Variants in SGCD observed in about 807,000 individuals in gnomAD.
SGCD encodes sarcoglycan delta, also known as delta-sarcoglycan.
SGCD carries 18 observed loss-of-function variants against 36.6 expected under a neutral mutation model. The ratio of observed to expected loss-of-function variants is 0.49; its 90% CI spans 0.34 to 0.73. The LOEUF is 0.73. Among genes scored for constraint, SGCD ranks in the 30% least tolerant of loss-of-function variants. The probability of loss-of-function intolerance (pLI) is 0.01; values close to 1 mark genes in which losing one functional copy is unlikely to be tolerated. For synonymous variants in SGCD, 133 were observed against 130.6 expected (o/e 1.02, Z -0.12); for missense variants, 387 against 346.7 (o/e 1.12, Z -0.92).
At chr5:155,843,659 T>C in the SGCD span, among the ~76,000 whole-genome samples, 4 of 152,204 alleles carry the variant, frequency 2.6e-5, no homozygotes, top group Non-Finnish European at 4.4e-5. Context: ...AAGAACAATA[T>C]AGAAGAGGAG....
At chr5:156,078,383 C>G (rs1285345636) in intron 1 of SGCD, among the ~76,000 whole-genome samples, 1 of 151,262 alleles carries the variant, frequency 6.6e-6, no homozygotes, top group Non-Finnish European at 1.5e-5. Flanking sequence ...TGTGGTGAGG[C>G]TCACCTGTAA....
At chr5:156,610,042 A>G (rs144286229) in intron 6 of SGCD, among the ~76,000 whole-genome samples, 7,897 of 152,184 alleles carry the variant, frequency 0.052, 684 homozygotes, top group African/African-American at 0.18. Flanking sequence ...TCTTCTCTCA[A>G]CTTGTCAAAG....
intron 2 of SGCD, among the ~76,000 whole-genome samples, chr5:156,332,161 G>A (rs975881561): frequency 6.6e-6 from 1 of 152,174 alleles, no homozygotes; most frequent in African/African-American, 2.4e-5. Context: ...TCAAAAGTTT[G>A]CGTCCCCACC....
At chr5:155,762,457 T>C in the SGCD span, among the ~76,000 whole-genome samples, 1 of 152,236 alleles carries the variant, frequency 6.6e-6, no homozygotes, top group Admixed American at 6.5e-5. Context: ...TTTCTTGCTT[T>C]ATAGTTTGCA....
At chr5:156,034,354 T>C (rs1014788999) in intron 1 of SGCD, among the ~76,000 whole-genome samples, 1 of 152,228 alleles carries the variant, frequency 6.6e-6, no homozygotes, top group Non-Finnish European at 1.5e-5. Flanking sequence ...ATTTGGACTC[T>C]GAAGTATAAA....
At chr5:156,179,769 A>T (rs1581150781) in intron 3 of SGCD, among the ~76,000 whole-genome samples, 3 of 151,852 alleles carry the variant, frequency 2.0e-5, no homozygotes, top group Non-Finnish European at 4.4e-5. Context: ...AATTACAAGT[A>T]CCTGCCACCA....
chr5:155,832,942 G>A, the SGCD span, among the ~76,000 whole-genome samples: 2 of 151,766 alleles, frequency 1.3e-5, no homozygotes, highest in Non-Finnish European at 1.5e-5. Flanking sequence ...GGCTGGGCAC[G>A]GTGGCTCATG....
chr5:156,495,992 T>C (rs905976241), intron 3 of SGCD, among the ~76,000 whole-genome samples: 1 of 152,142 alleles, frequency 6.6e-6, no homozygotes, highest in African/African-American at 2.4e-5. Context: ...TGGGAGTGAT[T>C]TGCAAGAGTT....
intron 7 of SGCD, among the ~76,000 whole-genome samples, chr5:156,675,714 G>A (rs2113669502): frequency 6.6e-6 from 1 of 152,278 alleles, no homozygotes; most frequent in African/African-American, 2.4e-5. Context: ...ACTGCAAAGA[G>A]TTTTTGAACT....
intron 3 of SGCD, among the ~76,000 whole-genome samples, chr5:156,314,799 A>G (rs1767472262): frequency 6.6e-6 from 1 of 151,990 alleles, no homozygotes; most frequent in South Asian, 2.1e-4. Flanking sequence ...CCTGTCAGCT[A>G]TTTCCTTCAG....
At chr5:156,076,397 A>T (rs773041769) in intron 1 of SGCD, among the ~76,000 whole-genome samples, 1 of 152,076 alleles carries the variant, frequency 6.6e-6, no homozygotes, top group Non-Finnish European at 1.5e-5. Context: ...CCATAATTTT[A>T]TGTAGTGTAT....
intron 1 of SGCD, among the ~76,000 whole-genome samples, chr5:155,989,587 G>T (rs1477815569): frequency 6.6e-6 from 1 of 151,972 alleles, no homozygotes; most frequent in Non-Finnish European, 1.5e-5. Context: ...CTACCAAGTG[G>T]AATTTTAATG....
At chr5:156,579,450 C>A (rs185214538) in intron 4 of SGCD, among the ~76,000 whole-genome samples, 266 of 152,252 alleles carry the variant, frequency 1.7e-3, no homozygotes, top group African/African-American at 6.1e-3. Context: ...GAGCTGAGTT[C>A]AAGTCCTGGA....
At chr5:155,847,553 T>C in the SGCD span, among the ~76,000 whole-genome samples, 2 of 152,306 alleles carry the variant, frequency 1.3e-5, no homozygotes, top group Non-Finnish European at 2.9e-5. Context: ...TAGAGTGTAA[T>C]ATAAATAATG....
chr5:156,739,703 T>C (rs1340117713), intron 7 of SGCD: 2 of 152,122 alleles, frequency 1.3e-5, no homozygotes, highest in African/African-American at 4.8e-5. Context: ...TTCTACCCAA[T>C]AAATATAAAA....
chr5:156,431,472 G>A (rs925145769), intron 3 of SGCD, among the ~76,000 whole-genome samples: 1 of 152,104 alleles, frequency 6.6e-6, no homozygotes, highest in Non-Finnish European at 1.5e-5. Flanking sequence ...CCTTCTCCAA[G>A]TCCCTTCCTA....
At chr5:156,630,249 G>A (rs1209936068) in intron 6 of SGCD, among the ~76,000 whole-genome samples, 1 of 152,202 alleles carries the variant, frequency 6.6e-6, no homozygotes, top group Non-Finnish European at 1.5e-5. Flanking sequence ...AGAGGTATAA[G>A]AGCATGGGTT....
chr5:156,287,741 G>T (rs1229451357), intron 3 of SGCD, among the ~76,000 whole-genome samples: 1 of 151,446 alleles, frequency 6.6e-6, no homozygotes, highest in African/African-American at 2.4e-5. Flanking sequence ...TTGTTTTAAA[G>T]CTTAGAGATA....
chr5:156,751,567 A>AT (rs1366237208), intron 7 of SGCD, among the ~76,000 whole-genome samples: 2 of 152,202 alleles, frequency 1.3e-5, no homozygotes, highest in East Asian at 3.8e-4. Flanking sequence ...ACGGCTGAAT[A>AT]TTTTTCAGAT....
Sources: gnomAD v4.1 joint callset for allele counts (sites outside exome capture counted in the v4.1 genomes callset) on GRCh38, gnomAD v4.1.1 for gene constraint, MANE v1.5 for transcripts, NCBI Gene and HGNC (gene_info 2026-07-23, HGNC 2026-07-21) for gene names.